The following NMUR1 variants were observed in gnomAD, a reference collection of about 807,000 sequenced individuals.
NMUR1 encodes neuromedin U receptor 1.
A neutral mutation model predicts 18.8 loss-of-function variants in NMUR1; 16 were observed. That is an observed-to-expected ratio of 0.85 (90% confidence interval 0.58 to 1.29). NMUR1 has a LOEUF of 1.29. NMUR1 is among the 50% of genes most tolerant of loss of function. The pLI is 0.00. For missense variants in NMUR1, 529 were observed against 580.3 expected (o/e 0.91, Z 0.91); for synonymous variants, 258 against 258.2 (o/e 1.00, Z 0.01).
downstream of NMUR1, among the ~76,000 whole-genome samples, chr2:231,521,969 TTC>T (rs555323595): frequency 4.2e-5 from 5 of 118,524 alleles, no homozygotes; most frequent in Admixed American, 3.2e-4. Context: ...TTCTTTTTTT[TTC>T]TCTTTTTTTT....
At position 231,523,293 on chromosome 2, in the gene NMUR1, A is replaced by T; in HGVS notation, c.*1750T>A. ...CACATAACATAAAATGTACCATCTT[A>T]ACCATTTCAGTGTATAGTTCAGTAT... On this transcript the variant is annotated 3_prime_UTR_variant, in exon 3 of 3. Coordinates refer to ENST00000305141, the MANE Select transcript of NMUR1 (RefSeq NM_006056.5). 2.8e-6 allele frequency: 1 copy of T among 359,094 alleles called. No individual in the cohort carries two copies. Among genetic ancestry groups the T allele is most frequent in the Non-Finnish European group, 5.1e-6 (1 of 197,890 alleles). 22.2% of individuals were successfully genotyped at this position (359,094 alleles called of 1,614,324 possible).
downstream of NMUR1, among the ~76,000 whole-genome samples, chr2:231,519,770 G>T (rs1448352468): frequency 6.6e-6 from 1 of 152,100 alleles, no homozygotes; most frequent in African/African-American, 2.4e-5. Context: ...TTCTTTTCTT[G>T]TGCTGAAGAG....
chr2:231,529,365 C>T (rs772619471), intron 1 of NMUR1, among the ~76,000 whole-genome samples: 32 of 152,110 alleles, frequency 2.1e-4, no homozygotes, highest in Non-Finnish European at 3.7e-4. Flanking sequence ...GAGGCTGAGG[C>T]GGGAGAATTG....
In NMUR1 at chr2:231,525,401, A is replaced by C. The variant is rs1369440490; in HGVS notation, c.923T>G (p.Ile308Ser). 1.2e-6 allele frequency: 2 copies of C among 1,612,544 alleles called. No individual in the cohort carries two copies. Among genetic ancestry groups the C allele is most frequent in the Non-Finnish European group, 8.5e-7 (1 of 1,179,092 alleles). ...MLFVLVVVFG[I>S]CWAPFHADRV... ...GTCGGCGTGGAACGGGGCCCAGCAG[A>C]TGCCAAACACCACGACCAGGACAAC... Residue 308 changes from isoleucine to serine, a missense_variant, in exon 3 of 3, where the codon ATC becomes AGC. Ile to Ser is a moderately radical substitution (Grantham distance 142). Transcript: ENST00000305141.
chr2:231,518,537 T>C (rs2047284734), downstream of NMUR1, among the ~76,000 whole-genome samples: 3 of 152,302 alleles, frequency 2.0e-5, no homozygotes, highest in South Asian at 6.2e-4. Flanking sequence ...AGGGGGGTAA[T>C]ATGCAGGAAA....
rs1191909829 is a variant in NMUR1 at position 231,528,380 on chromosome 2, G to C, written c.641C>G (p.Pro214Arg). Residue 214 changes from proline (P) to arginine (R), a missense_variant, in exon 2 of 3, where the codon CCA becomes CGA. Transcript: ENST00000305141. The part of the protein sequence containing the change: ...QLHVPCRGPV[P>R]DSAVCMLVRP... ...GACCAGCATGCAAACAGCTGAGTCT[G>C]GCACTGGGCCCCGGCAGGGCACGTG... 6.2e-7 allele frequency: 1 copy of C among 1,613,768 alleles called. No homozygotes were observed. The highest frequency in any genetic ancestry group is 8.5e-7 in the Non-Finnish European group (1 of 1,179,982).
At chr2:231,518,501 C>T (rs938014175), downstream of NMUR1, among the ~76,000 whole-genome samples, 15 of 152,180 alleles carry the variant, frequency 9.9e-5, no homozygotes, top group African/African-American at 3.1e-4. Context: ...CATGAGCCAC[C>T]GCGCCCAGCC....
In NMUR1 at chr2:231,528,320, G is replaced by C; in HGVS notation, c.701C>G (p.Thr234Ser). The C allele has an allele frequency of 6.2e-7, 1 of 1,613,108 alleles. No individual in the cohort carries two copies. Among genetic ancestry groups the C allele is most frequent in the Non-Finnish European group, 8.5e-7 (1 of 1,179,330 alleles). Reference protein sequence around the residue: ...PRALYNMVVQTTALLFFCLPM... With the variant: ...PRALYNMVVQSTALLFFCLPM... ...CAGGCAGAAGAAGAGCAGCGCGGTG[G>C]TCTGCACTACCATGTTGTAGAGGGC... The change falls in exon 2 of 3, where the codon ACC (threonine) becomes AGC (serine). Residue 234 changes from threonine (T) to serine (S), a missense_variant. Physicochemically the swap from Thr to Ser is moderately conservative, Grantham distance 58 (BLOSUM62 1). Coordinates refer to ENST00000305141, the MANE Select transcript of NMUR1 (RefSeq NM_006056.5).
rs370679158 is a variant in NMUR1, at chr2:231,525,158, A to G, written c.1166T>C (p.Leu389Pro). 3.1e-6 allele frequency: 5 copies of G among 1,613,988 alleles called. No individual in the cohort carries two copies. The highest frequency in any genetic ancestry group is 4.2e-6 in the Non-Finnish European group (5 of 1,179,980). ...GGTGCTGCCTGTGGTCATCCTGCTGAGGCTGTGGGAGCTGTGGCGGGGTCT... is the reference window on the plus strand; with the variant it reads ...GGTGCTGCCTGTGGTCATCCTGCTGGGGCTGTGGGAGCTGTGGCGGGGTCT... The part of the protein sequence containing the change: ...RLRPRHSSHS[L>P]SRMTTGSTLC... Residue 389 changes from leucine to proline, a missense_variant, in exon 3 of 3, where the codon CTC (leucine) becomes CCC (proline). Leu to Pro is a moderately conservative substitution (Grantham distance 98). Transcript: ENST00000305141.
At chr2:231,518,621 T>TG (rs201343713), downstream of NMUR1, among the ~76,000 whole-genome samples, 1 of 137,392 alleles carries the variant, frequency 7.3e-6, no homozygotes, top group Non-Finnish European at 1.6e-5. Context: ...TTTTTTTTGG[T>TG]GGTTTTTTGT....
chr2:231,528,076 C>A, intron 2 of NMUR1, 47 bp downstream of exon 2: 1 of 1,511,144 alleles, frequency 6.6e-7, no homozygotes. Flanking sequence ...GCCCCAAACT[C>A]ATACCCAGTG....
chr2:231,529,531 A>ATT (rs1472067916), intron 1 of NMUR1, among the ~76,000 whole-genome samples: 1 of 151,776 alleles, frequency 6.6e-6, no homozygotes. Context: ...TGGGGTTTTG[A>ATT]TTTTAAATTT....
At position 231,524,873 on chromosome 2, in the gene NMUR1, G is replaced by T; in HGVS notation, c.*170C>A. 1 of 807,162 alleles carries T rather than the reference G, an allele frequency of 1.2e-6. No individual in the cohort carries two copies. Among genetic ancestry groups the T allele is most frequent in the Non-Finnish European group, 1.8e-6 (1 of 543,124 alleles). 50.0% of individuals were successfully genotyped at this position (807,162 alleles called of 1,614,324 possible). The stretch of plus-strand genomic sequence containing the variant: ...TCAGTGTGAGTCCTCAGCAGTCAGG[G>T]ATCCCTCCTCCTGCTGTTTCCCTCT... On this transcript the variant is annotated 3_prime_UTR_variant, in exon 3 of 3. Transcript: ENST00000305141.
downstream of NMUR1, among the ~76,000 whole-genome samples, chr2:231,519,272 C>T (rs772631110): frequency 8.5e-5 from 13 of 152,182 alleles, no homozygotes; most frequent in Non-Finnish European, 1.8e-4. Flanking sequence ...ATGGCCTCTT[C>T]TTATTGACCA....
Position 231,525,315 on chromosome 2 carries a change from C to T in NMUR1, c.1009G>A (p.Val337Met), listed in dbSNP as rs1236952358. Residue 337 changes from valine to methionine, a missense_variant, in exon 3 of 3, where the codon GTG becomes ATG. Val to Met is a conservative substitution (Grantham distance 21, BLOSUM62 1). Transcript: ENST00000305141. ...AAGAAGATGCCGGAGATGACGTGCA[C>T]GTGCTGGAAGGCCAGGTGCAGGCCA... Reference protein sequence around the residue: ...TDGLHLAFQHVHVISGIFFYL... With the variant: ...TDGLHLAFQHMHVISGIFFYL... 9.9e-6 allele frequency: 16 copies of T among 1,613,958 alleles called. No homozygotes were observed. The highest frequency in any genetic ancestry group is 2.2e-5 in the East Asian group (1 of 44,852).
chr2:231,523,058 C>T (rs2047320503), downstream of NMUR1: 38 of 309,670 alleles, frequency 1.2e-4, 1 homozygote, highest in East Asian at 1.7e-3. Flanking sequence ...CAAATGAGTG[C>T]AAGCGTGAGC....
rs369219078 is a variant in NMUR1, at chr2:231,528,153, G to A, written c.868C>T (p.Arg290Trp). 22 of 1,562,822 alleles carry A rather than the reference G, an allele frequency of 1.4e-5. No homozygotes were observed. Among genetic ancestry groups the A allele is most frequent in the South Asian group, 5.9e-5 (5 of 84,310 alleles). Residue 290 changes from arginine (R) to tryptophan (W), a missense_variant, in exon 2 of 3, where the codon CGG (arginine) becomes TGG (tryptophan). Physicochemically the swap from Arg to Trp is moderately radical, Grantham distance 101. Coordinates refer to ENST00000305141, the MANE Select transcript of NMUR1 (RefSeq NM_006056.5). ...ATCTTGGTCACTTGTCTCCGGCCCCGATCGTGCTGCTGGAGCCTGCAGGTG... is the reference window on the plus strand; with the variant it reads ...ATCTTGGTCACTTGTCTCCGGCCCCAATCGTGCTGCTGGAGCCTGCAGGTG... ...RYTCRLQQHD[R>W]GRRQVTKMLF...
chr2:231,524,996 C>T lies in NMUR1; in HGVS notation c.*47G>A. ...GAAGGCAGATGTGTCTCCCCAGCTC[C>T]AGGTGACCCTCTGGCCCCTCCAGGT... On this transcript the variant is annotated 3_prime_UTR_variant, in exon 3 of 3. Transcript: ENST00000305141. The T allele has an allele frequency of 6.6e-7, 1 of 1,509,070 alleles. No individual in the cohort carries two copies. Among genetic ancestry groups the T allele is most frequent in the Non-Finnish European group, 8.8e-7 (1 of 1,135,342 alleles). 93.5% of individuals were successfully genotyped at this position (1,509,070 alleles called of 1,614,324 possible). A position where few individuals can be genotyped will look rare whatever the true frequency, so the allele number is the denominator to read the frequency against.
chr2:231,523,220 T>C lies in NMUR1; in HGVS notation c.*1823A>G, dbSNP rs2047321602. 2.8e-6 allele frequency: 1 copy of C among 360,178 alleles called. No homozygotes were observed. Among genetic ancestry groups the C allele is most frequent in the South Asian group, 1.3e-4 (1 of 7,438 alleles). 22.3% of individuals were successfully genotyped at this position (360,178 alleles called of 1,614,324 possible). On this transcript the variant is annotated 3_prime_UTR_variant, in exon 3 of 3. Coordinates refer to ENST00000305141, the MANE Select transcript of NMUR1 (RefSeq NM_006056.5). ...AAAGTTATGGGTGGTTTTAATTTTT[T>C]CTTTCCTTTAGATTTAATCCTCTTT... is the stretch of plus-strand genomic sequence containing the variant.
Sources: gnomAD v4.1 joint callset for allele counts (sites outside exome capture counted in the v4.1 genomes callset) on GRCh38, gnomAD v4.1.1 for gene constraint, MANE v1.5 for transcripts, NCBI Gene and HGNC (gene_info 2026-07-23, HGNC 2026-07-21) for gene names.